Variants in PRICKLE2 observed in about 807,000 individuals in gnomAD.
The protein encoded by PRICKLE2 is prickle-like protein 2.
In PRICKLE2, 21 loss-of-function variants were observed where a neutral mutation model predicts 81.4. The ratio of observed to expected loss-of-function variants is 0.26; its 90% CI spans 0.18 to 0.37. PRICKLE2 has a LOEUF of 0.37. PRICKLE2 is among the 10% of genes least tolerant of loss of function. PRICKLE2 has a pLI of 1.00. For synonymous variants in PRICKLE2, 456 were observed against 421.5 expected, an observed-to-expected ratio of 1.08 and a Z score of -1.00; for missense variants, 940 against 1,109.0, an observed-to-expected ratio of 0.85 and a Z score of 2.16.
chr3:64,199,342 C>A, intron 1 of PRICKLE2: 1 of 313,914 alleles, frequency 3.2e-6, no homozygotes. Context: ...ATTAAATATA[C>A]ATAATACATA....
intron 2 of PRICKLE2, among the ~76,000 whole-genome samples, chr3:64,235,648 G>A (rs1159049138): frequency 6.6e-6 from 1 of 152,148 alleles, no homozygotes; most frequent in Admixed American, 6.5e-5. Context: ...CGGAGGGCCT[G>A]AGACCAGTTT....
intron 2 of PRICKLE2, among the ~76,000 whole-genome samples, chr3:64,238,013 CAAG>C (rs2079207582): frequency 6.6e-6 from 1 of 152,266 alleles, no homozygotes; most frequent in Non-Finnish European, 1.5e-5. Flanking sequence ...TCCCTGAGAG[CAAG>C]AAGTTCAGTG....
chr3:64,226,473 A>G (rs915521853), upstream of PRICKLE2, among the ~76,000 whole-genome samples: 3 of 152,174 alleles, frequency 2.0e-5, no homozygotes, highest in African/African-American at 7.2e-5. Context: ...CACTCATTCA[A>G]TAAATATTTA....
intron 2 of PRICKLE2, among the ~76,000 whole-genome samples, chr3:64,265,274 C>G (rs999112419): frequency 6.6e-6 from 1 of 152,070 alleles, no homozygotes; most frequent in Admixed American, 6.5e-5. Context: ...ATCAAAGAAA[C>G]TTTTTTGGAA....
intron 6 of PRICKLE2, among the ~76,000 whole-genome samples, chr3:64,150,706 G>A (rs2077531370): frequency 6.6e-6 from 1 of 152,172 alleles, no homozygotes; most frequent in African/African-American, 2.4e-5. Flanking sequence ...CAGTCCCTCT[G>A]GTCTGTCTGC....
chr3:64,191,648 G>A (rs2078341106), intron 2 of PRICKLE2, among the ~76,000 whole-genome samples: 1 of 152,202 alleles, frequency 6.6e-6, no homozygotes, highest in South Asian at 2.1e-4. Context: ...AGGATGGTGG[G>A]TCCATAGCAA....
At chr3:64,236,553 T>A (rs781750511) in intron 2 of PRICKLE2, among the ~76,000 whole-genome samples, 1 of 152,246 alleles carries the variant, frequency 6.6e-6, no homozygotes, top group Non-Finnish European at 1.5e-5. Context: ...CCTCAAACCA[T>A]TGAACTGGAT....
chr3:64,177,297 G>A (rs529590116), intron 2 of PRICKLE2, among the ~76,000 whole-genome samples: 8 of 151,500 alleles, frequency 5.3e-5, no homozygotes, highest in South Asian at 2.1e-4. Flanking sequence ...CACCACACCC[G>A]GCTAGTTTTT....
Position 64,130,708 on chromosome 3 carries a change from T to C in PRICKLE2, c.1660+16122A>G, listed in dbSNP as rs996237058. Among the ~76,000 whole-genome samples the C allele has an allele frequency of 7.9e-5, 12 of 152,156 alleles. No homozygotes were observed. In the East Asian group the frequency reaches 2.3e-3, roughly 29 times the overall value. ...ATTTAGTTTGGTCTTAACACTATGG[T>C]TCTCAATATTGTCTGACTGGTAGAA... On this transcript the variant is annotated intron_variant, in intron 7 of 7. Coordinates refer to ENST00000638394, the MANE Select transcript of PRICKLE2 (RefSeq NM_198859.4).
At chr3:64,119,602 AT>A (rs1376320249) in intron 7 of PRICKLE2, among the ~76,000 whole-genome samples, 1 of 152,158 alleles carries the variant, frequency 6.6e-6, no homozygotes, top group Non-Finnish European at 1.5e-5. Flanking sequence ...CTTATGTACG[AT>A]TGGTGCAAAT....
intron 2 of PRICKLE2, among the ~76,000 whole-genome samples, chr3:64,167,731 T>A (rs943826932): frequency 6.6e-6 from 1 of 152,186 alleles, no homozygotes; most frequent in African/African-American, 2.4e-5. Context: ...GATTTTTTTT[T>A]TATAAAGAAG....
chr3:64,144,871 C>T (rs549925179), intron 7 of PRICKLE2, among the ~76,000 whole-genome samples: 4 of 152,246 alleles, frequency 2.6e-5, no homozygotes, highest in African/African-American at 7.2e-5. Context: ...ACCGCAACAT[C>T]GAACTGCTAT....
upstream of PRICKLE2, among the ~76,000 whole-genome samples, chr3:64,228,777 G>A (rs1192986666): frequency 1.3e-5 from 2 of 152,166 alleles, no homozygotes; most frequent in African/African-American, 4.8e-5. Flanking sequence ...ACTCTTGTCA[G>A]GAGACAAGGA....
intron 1 of PRICKLE2, among the ~76,000 whole-genome samples, chr3:64,208,579 C>G (rs1487589348): frequency 2.0e-5 from 3 of 152,224 alleles, no homozygotes; most frequent in Non-Finnish European, 2.9e-5. Flanking sequence ...TCCTGTTGCT[C>G]TAGCTCAACC....
chr3:64,178,102 C>G (rs1307484093), intron 2 of PRICKLE2, among the ~76,000 whole-genome samples: 1 of 152,138 alleles, frequency 6.6e-6, no homozygotes. Context: ...CTTAGTAGGT[C>G]TGAAGCAGTA....
chr3:64,240,559 C>T (rs555594237), intron 2 of PRICKLE2, among the ~76,000 whole-genome samples: 13 of 152,240 alleles, frequency 8.5e-5, no homozygotes, highest in African/African-American at 2.4e-4. Context: ...CTCAGTGAAT[C>T]GGTCCCATGG....
At chr3:64,161,295 T>A (rs911431572) in intron 3 of PRICKLE2, among the ~76,000 whole-genome samples, 1 of 152,208 alleles carries the variant, frequency 6.6e-6, no homozygotes, top group African/African-American at 2.4e-5. Context: ...TACCACACTT[T>A]GGGAAACACG....
Position 64,159,921 on chromosome 3 carries a change from C to A in PRICKLE2, c.396+19G>T, listed in dbSNP as rs781500686. The A allele has an allele frequency of 6.2e-7, 1 of 1,614,094 alleles. No individual in the cohort carries two copies. Among genetic ancestry groups the A allele is most frequent in the East Asian group, 2.2e-5 (1 of 44,868 alleles). ...GATGCCAGAACAATGCCTCTTCACT[C>A]CCCTGAATCCATGCTTACCTGTTCA... is the stretch of plus-strand genomic sequence containing the variant. On this transcript the variant is annotated intron_variant, in intron 4 of 7. Transcript: ENST00000638394.
chr3:64,121,086 C>T (rs961646774), intron 7 of PRICKLE2, among the ~76,000 whole-genome samples: 1 of 152,300 alleles, frequency 6.6e-6, no homozygotes, highest in African/African-American at 2.4e-5. Flanking sequence ...CTGGGCTCCC[C>T]CTCTGCACAG....
Sources: gnomAD v4.1 joint callset for allele counts (sites outside exome capture counted in the v4.1 genomes callset) on GRCh38, gnomAD v4.1.1 for gene constraint, MANE v1.5 for transcripts, NCBI Gene and HGNC (gene_info 2026-07-23, HGNC 2026-07-21) for gene names.